The following RAB37 variants were observed in gnomAD, a reference collection of about 807,000 sequenced individuals.
RAB37 encodes the protein RAB37, member RAS oncogene family, also known as ras-related protein Rab-37.
RAB37 carries 29 observed loss-of-function variants against 33.1 expected under a neutral mutation model. That is an observed-to-expected ratio of 0.88 (90% confidence interval 0.65 to 1.20). The LOEUF (loss-of-function observed/expected upper bound fraction) is 1.20, where lower values mean the gene tolerates loss of function less well. Among genes scored for constraint, RAB37 ranks in the 50% most tolerant of loss-of-function variants. RAB37 has a pLI of 0.00. For missense variants in RAB37, 299 were observed against 301.1 expected (o/e 0.99, Z 0.05); for synonymous variants, 128 against 119.5 (o/e 1.07, Z -0.47).
rs1327804738 is a variant in RAB37, at chr17:74,737,315, G to GC, written c.48dup (p.Glu17ArgfsTer95). 1 of 1,577,170 alleles carries GC rather than the reference G, an allele frequency of 6.3e-7. No individual in the cohort carries two copies. Among genetic ancestry groups the GC allele is most frequent in the Non-Finnish European group, 8.6e-7 (1 of 1,168,902 alleles). On this transcript the variant is annotated frameshift_variant, in exon 1 of 9. Coordinates refer to ENST00000392613, the MANE Select transcript of RAB37 (RefSeq NM_001006638.3). LOFTEE classifies it high-confidence loss of function. ...CGCCGTTGCCACCCGGGATGGCGAG[G>GC]CCCCCGAGCGCTCCCCGCCCTGCAG...
At chr17:74,681,459 T>C (rs867680811) in intron 1 of RAB37, among the ~76,000 whole-genome samples, 2 of 152,168 alleles carry the variant, frequency 1.3e-5, no homozygotes, top group African/African-American at 2.4e-5. Context: ...CCCTGTCCAA[T>C]TGTGGCAGAG....
At chr17:74,734,686 T>C (rs2034439472), upstream of RAB37, among the ~76,000 whole-genome samples, 1 of 150,634 alleles carries the variant, frequency 6.6e-6, no homozygotes, top group African/African-American at 2.4e-5. Flanking sequence ...TCTACAAAAA[T>C]ACAAAAATTA....
At position 74,743,765 on chromosome 17, in the gene RAB37, C is replaced by T. The variant is rs115801190; in HGVS notation, c.366+425C>T. Among the ~76,000 whole-genome samples the T allele has an allele frequency of 3.5e-3, 526 of 152,282 alleles. 3 individuals carry two copies. The highest frequency in any genetic ancestry group is 0.012 in the African/African-American group (496 of 41,554). On this transcript the variant is annotated intron_variant, in intron 5 of 8. Coordinates refer to ENST00000392613, the MANE Select transcript of RAB37 (RefSeq NM_001006638.3). ...CCTCACAACCAAACTATTATAGAGACAAAAATTTGATAAATTCAAGCACCA... is the reference window on the plus strand; with the variant it reads ...CCTCACAACCAAACTATTATAGAGATAAAAATTTGATAAATTCAAGCACCA...
In RAB37 at chr17:74,744,603, T is replaced by C. The variant is rs2144090955; in HGVS notation, c.432+230T>C. On this transcript the variant is annotated intron_variant, in intron 6 of 8. Transcript: ENST00000392613. The surrounding 1 kb of genome is among the most constrained non-coding windows in gnomAD (Gnocchi z 4.2). Reference sequence around the variant, plus strand: ...AGGGGTGCCCAGTTCTCAGCCCCCATTAGAGCAGAGTGAACAGGGTCCCAG... The same window carrying C: ...AGGGGTGCCCAGTTCTCAGCCCCCACTAGAGCAGAGTGAACAGGGTCCCAG... 2 of 625,322 alleles carry C rather than the reference T, an allele frequency of 3.2e-6. No individual in the cohort carries two copies. Among genetic ancestry groups the C allele is most frequent in the East Asian group, 2.7e-5 (1 of 36,482 alleles). 38.7% of individuals were successfully genotyped at this position (625,322 alleles called of 1,614,324 possible).
intron 1 of RAB37, among the ~76,000 whole-genome samples, chr17:74,728,332 TTA>T (rs1365315762): frequency 2.0e-5 from 3 of 151,786 alleles, no homozygotes; most frequent in Admixed American, 6.6e-5. Flanking sequence ...CATGTGTGTT[TTA>T]TGTGTACTAT....
chr17:74,695,348 T>G (rs1389648572), intron 1 of RAB37: 2 of 1,439,468 alleles, frequency 1.4e-6, no homozygotes. Context: ...GATGGACCAT[T>G]CAGGGCTTCT....
intron 1 of RAB37, among the ~76,000 whole-genome samples, chr17:74,688,509 C>T (rs368907676): frequency 2.4e-4 from 35 of 148,342 alleles, no homozygotes; most frequent in Middle Eastern, 3.4e-3. Flanking sequence ...GCTGAGATCA[C>T]GCCACGGCAC....
At chr17:74,695,168 G>A (rs774912612) in intron 1 of RAB37, 1 of 1,614,184 alleles carries the variant, frequency 6.2e-7, no homozygotes, top group Non-Finnish European at 8.5e-7. Context: ...TACTGAGGTG[G>A]CCCATGTTGC....
intron 1 of RAB37, chr17:74,705,184 C>A (rs772260580): frequency 1.4e-6 from 1 of 696,872 alleles, no homozygotes. Context: ...ACCAGGAGAC[C>A]CCTTTCCACA....
Position 74,676,797 on chromosome 17 carries a change from G to A in RAB37, c.72+5139G>A, listed in dbSNP as rs956950910. Among the ~76,000 whole-genome samples, 3 of 152,152 alleles carry A rather than the reference G, an allele frequency of 2.0e-5. No homozygotes were observed. The highest frequency in any genetic ancestry group is 4.8e-5 in the African/African-American group (2 of 41,430). On this transcript the variant is annotated intron_variant, in intron 1 of 7. Coordinates refer to the RAB37 transcript ENST00000340415. This position sits in a 1 kb window ranked among gnomAD's most constrained non-coding sequence, Gnocchi z 4.1. ...GGGTAGCTGCAAGGGAGTGACCCAG[G>A]AAGAAAAGGTCATGTCTGACTGAAT...
rs199990109 is a variant in RAB37 at position 74,704,696 on chromosome 17, C to T, written c.73-24560C>T. On this transcript the variant is annotated intron_variant, in intron 1 of 7. Coordinates refer to the RAB37 transcript ENST00000340415. ...CTTGCAGTCACGCCAAATAGCTCCT[C>T]GACACCACCACTTCAAGTAGGTCTC... is the stretch of plus-strand genomic sequence containing the variant. The T allele has an allele frequency of 2.1e-4, 338 of 1,614,198 alleles. 1 individual carries two copies. Among genetic ancestry groups the T allele is most frequent in the South Asian group, 7.4e-4 (67 of 91,084 alleles).
chr17:74,687,378 C>T (rs2032075232), intron 1 of RAB37, among the ~76,000 whole-genome samples: 1 of 152,096 alleles, frequency 6.6e-6, no homozygotes, highest in Admixed American at 6.5e-5. Flanking sequence ...GGCCCGCCAC[C>T]ACACCCAGCT....
chr17:74,687,097 G>C (rs1478581743), intron 1 of RAB37, among the ~76,000 whole-genome samples: 1 of 152,208 alleles, frequency 6.6e-6, no homozygotes, highest in Non-Finnish European at 1.5e-5. Context: ...GACCTTGGGG[G>C]ACAGTCTTTC....
At chr17:74,698,858 G>A (rs902402070) in intron 1 of RAB37, among the ~76,000 whole-genome samples, 1 of 152,090 alleles carries the variant, frequency 6.6e-6, no homozygotes, top group Non-Finnish European at 1.5e-5. Context: ...TACCCCTGAA[G>A]CTAAAATAAA....
intron 1 of RAB37, among the ~76,000 whole-genome samples, chr17:74,696,903 T>G (rs536895702): frequency 1.6e-4 from 24 of 146,824 alleles, no homozygotes; most frequent in African/African-American, 3.8e-4. Context: ...GGACCGATTT[T>G]GTTTGGTTTG....
At position 74,743,210 on chromosome 17, in the gene RAB37, C is replaced by T; in HGVS notation, c.313+15C>T. The T allele has an allele frequency of 1.9e-6, 3 of 1,613,818 alleles. No individual in the cohort carries two copies. The highest frequency in any genetic ancestry group is 2.5e-6 in the Non-Finnish European group (3 of 1,179,808). On this transcript the variant is annotated intron_variant, in intron 4 of 8. Coordinates refer to ENST00000392613, the MANE Select transcript of RAB37 (RefSeq NM_001006638.3). ...AGATGCTCAGGGTGAGTCCCTCGCACCCTCCAACCCCTACCCCAGCCCCTT... is the reference window on the plus strand; with the variant it reads ...AGATGCTCAGGGTGAGTCCCTCGCATCCTCCAACCCCTACCCCAGCCCCTT...
chr17:74,671,195 C>A lies in RAB37; in HGVS notation c.-392C>A. ...CTGGGACCGCAATGCCCTGAGAACGCAGCCGGGTGCTGAGCCTCCGGAGTC... is the reference window on the plus strand; with the variant it reads ...CTGGGACCGCAATGCCCTGAGAACGAAGCCGGGTGCTGAGCCTCCGGAGTC... On this transcript the variant is annotated 5_prime_UTR_variant, in exon 1 of 8. Coordinates refer to the RAB37 transcript ENST00000340415. The surrounding 1 kb of genome is among the most constrained non-coding windows in gnomAD (Gnocchi z 5.0). 4.9e-6 allele frequency: 1 copy of A among 205,710 alleles called. No homozygotes were observed. Among genetic ancestry groups the A allele is most frequent in the South Asian group, 9.7e-5 (1 of 10,342 alleles). 12.7% of individuals were successfully genotyped at this position (205,710 alleles called of 1,614,324 possible). A position where few individuals can be genotyped will look rare whatever the true frequency, so the allele number is the denominator to read the frequency against.
chr17:74,678,857 T>G (rs1322229625), intron 1 of RAB37, among the ~76,000 whole-genome samples: 1 of 152,148 alleles, frequency 6.6e-6, no homozygotes, highest in African/African-American at 2.4e-5. Flanking sequence ...AGTCCTGTAA[T>G]CCCAGCACTT....
chr17:74,728,881 TG>T (rs2034347058), intron 1 of RAB37, among the ~76,000 whole-genome samples: 1 of 151,940 alleles, frequency 6.6e-6, no homozygotes, highest in African/African-American at 2.4e-5. Flanking sequence ...TCTGTGTGTA[TG>T]TGTGTACATG....
Sources: gnomAD v4.1 joint callset for allele counts (sites outside exome capture counted in the v4.1 genomes callset) on GRCh38, gnomAD v4.1.1 for gene constraint, Gnocchi (gnomAD v3.1) non-coding constraint, MANE v1.5 for transcripts, NCBI Gene and HGNC (gene_info 2026-07-23, HGNC 2026-07-21) for gene names.